FEM1C: variants seen among roughly 807,000 people sequenced by gnomAD.
FEM1C encodes fem-1 homolog C.
FEM1C carries 15 observed loss-of-function variants against 37.6 expected under a neutral mutation model. The ratio of observed to expected loss-of-function variants is 0.40; its 90% CI spans 0.27 to 0.61. The LOEUF is 0.61. Among genes scored for constraint, FEM1C ranks in the 20% least tolerant of loss-of-function variants. FEM1C has a pLI of 0.42. For synonymous variants in FEM1C, 287 were observed against 272.8 expected (o/e 1.05, Z -0.51); for missense variants, 532 against 749.7 (o/e 0.71, Z 3.39).
At position 115,542,061 on chromosome 5, in the gene FEM1C, G is replaced by A. The variant is rs1041086907; in HGVS notation, c.544+889C>T. Among the ~76,000 whole-genome samples the A allele has an allele frequency of 2.0e-5, 3 of 152,154 alleles. No homozygotes were observed. In the South Asian group the frequency reaches 6.2e-4, roughly 32 times the overall value. ...TAATGGCTTTTAAAAATTAGGTAGTGAATTATTTTGCTGTCGTATAAATAG... is the reference window on the plus strand; with the variant it reads ...TAATGGCTTTTAAAAATTAGGTAGTAAATTATTTTGCTGTCGTATAAATAG... On this transcript the variant is annotated intron_variant, in intron 2 of 2. Coordinates refer to ENST00000274457, the MANE Select transcript of FEM1C (RefSeq NM_020177.3).
In FEM1C at chr5:115,521,194, G is replaced by C. The variant is rs1332441962; in HGVS notation, c.*3114C>G. 6.6e-6 allele frequency: 1 copy of C among 151,596 alleles called. No individual in the cohort carries two copies. The highest frequency in any genetic ancestry group is 2.4e-5 in the African/African-American group (1 of 41,354). The allele number at this position is 151,596 out of a possible 1,614,324, so 9.4% of individuals were successfully genotyped here. On this transcript the variant is annotated 3_prime_UTR_variant, in exon 3 of 3. Coordinates refer to ENST00000274457, the MANE Select transcript of FEM1C (RefSeq NM_020177.3). Reference sequence around the variant, plus strand: ...TAGGCAATAATGCTGCTGTTACAGTGTAAAAGAGTATGTCATTATCTCATC... The same window carrying C: ...TAGGCAATAATGCTGCTGTTACAGTCTAAAAGAGTATGTCATTATCTCATC...
rs1476040994 is a variant in FEM1C, at chr5:115,521,200, G to C, written c.*3108C>G. The C allele has an allele frequency of 6.6e-6, 1 of 151,648 alleles. No individual in the cohort carries two copies. The highest frequency in any genetic ancestry group is 1.5e-5 in the Non-Finnish European group (1 of 67,716). The allele number at this position is 151,648 out of a possible 1,614,324, so 9.4% of individuals were successfully genotyped here. A position where few individuals can be genotyped will look rare whatever the true frequency, so the allele number is the denominator to read the frequency against. On this transcript the variant is annotated 3_prime_UTR_variant, in exon 3 of 3. Transcript: ENST00000274457. ...ATAATGCTGCTGTTACAGTGTAAAAGAGTATGTCATTATCTCATCCAGCCT... is the reference window on the plus strand; with the variant it reads ...ATAATGCTGCTGTTACAGTGTAAAACAGTATGTCATTATCTCATCCAGCCT...
rs1753792344 is a variant in FEM1C at position 115,522,288 on chromosome 5, A to AC, written c.*2019_*2020insG. 1 of 151,884 alleles carries AC rather than the reference A, an allele frequency of 6.6e-6. No homozygotes were observed. Among genetic ancestry groups the AC allele is most frequent in the African/African-American group, 2.4e-5 (1 of 41,334 alleles). 9.4% of individuals were successfully genotyped at this position (151,884 alleles called of 1,614,324 possible). A position where few individuals can be genotyped will look rare whatever the true frequency, so the allele number is the denominator to read the frequency against. On this transcript the variant is annotated 3_prime_UTR_variant, in exon 3 of 3. Transcript: ENST00000274457. ...TATATAATTCTTATACCACAAAGTT[A>AC]GAGGCAGATGATTTCAAGATACTGA...
intron 2 of FEM1C, among the ~76,000 whole-genome samples, chr5:115,531,698 C>T (rs1580380896): frequency 6.6e-6 from 1 of 152,100 alleles, no homozygotes; most frequent in Non-Finnish European, 1.5e-5. Flanking sequence ...CCCAACAAAA[C>T]TTTTACTTTT....
chr5:115,528,729 C>T (rs1753956749), intron 2 of FEM1C, among the ~76,000 whole-genome samples: 1 of 151,850 alleles, frequency 6.6e-6, no homozygotes, highest in Non-Finnish European at 1.5e-5. Context: ...AATGAGGAAC[C>T]ATAACACAAA....
chr5:115,525,033 G>C lies in FEM1C; in HGVS notation c.1129C>G (p.Pro377Ala), dbSNP rs776490208. The C allele has an allele frequency of 6.2e-7, 1 of 1,613,654 alleles. No individual in the cohort carries two copies. Among genetic ancestry groups the C allele is most frequent in the Non-Finnish European group, 8.5e-7 (1 of 1,179,818 alleles). ...GATAATAAGCTGCTGGCGGTCATTGGGCTTAAAGGATCCAAATTGCTCTGC... is the reference window on the plus strand; with the variant it reads ...GATAATAAGCTGCTGGCGGTCATTGCGCTTAAAGGATCCAAATTGCTCTGC... ...MQQSNLDPLS[P>A]MTASSLLSFA... The change falls in exon 3 of 3, where the codon CCA becomes GCA. Residue 377 changes from proline to alanine, a missense_variant. By Grantham distance (27) the Pro-to-Ala change is conservative. Transcript: ENST00000274457.
At position 115,531,278 on chromosome 5, in the gene FEM1C, A is replaced by G. The variant is rs1580380652; in HGVS notation, c.545-5661T>C. Among the ~76,000 whole-genome samples the G allele has an allele frequency of 2.0e-5, 3 of 152,106 alleles. No homozygotes were observed. In the South Asian group the frequency reaches 6.2e-4, roughly 31 times the overall value. ...CAATCACATCACTTTCCAACTCAAA[A>G]AACTTTCACAATTTCTCTAAGGAAA... On this transcript the variant is annotated intron_variant, in intron 2 of 2. Transcript: ENST00000274457.
At position 115,521,657 on chromosome 5, in the gene FEM1C, C is replaced by G. The variant is rs1394160701; in HGVS notation, c.*2651G>C. The G allele has an allele frequency of 6.6e-6, 1 of 151,742 alleles. No individual in the cohort carries two copies. The highest frequency in any genetic ancestry group is 1.5e-5 in the Non-Finnish European group (1 of 67,792). The allele number at this position is 151,742 out of a possible 1,614,324, so 9.4% of individuals were successfully genotyped here. A position where few individuals can be genotyped will look rare whatever the true frequency, so the allele number is the denominator to read the frequency against. On this transcript the variant is annotated 3_prime_UTR_variant, in exon 3 of 3. Transcript: ENST00000274457. ...TAATAACTTACACATTAACTCCAGT[C>G]AATAACACCGTGCTACAGTGTACAG...
rs924058562 is a variant in FEM1C at position 115,522,676 on chromosome 5, A to G, written c.*1632T>C. On this transcript the variant is annotated 3_prime_UTR_variant, in exon 3 of 3. Coordinates refer to ENST00000274457, the MANE Select transcript of FEM1C (RefSeq NM_020177.3). ...TAAATAGTGTAACATCAACCCTCAGAATAAAATGTCAACACAAAAATCCAA... is the reference window on the plus strand; with the variant it reads ...TAAATAGTGTAACATCAACCCTCAGGATAAAATGTCAACACAAAAATCCAA... 2.0e-5 allele frequency: 3 copies of G among 152,370 alleles called. No individual in the cohort carries two copies. Among genetic ancestry groups the G allele is most frequent in the African/African-American group, 7.2e-5 (3 of 41,432 alleles). The allele number at this position is 152,370 out of a possible 1,614,324, so 9.4% of individuals were successfully genotyped here.
intron 2 of FEM1C, among the ~76,000 whole-genome samples, chr5:115,527,503 A>C (rs1434618180): frequency 6.6e-6 from 1 of 152,170 alleles, no homozygotes; most frequent in Non-Finnish European, 1.5e-5. Flanking sequence ...AGAACTTCTG[A>C]CTATCGATGT....
chr5:115,542,024 A>G (rs946615466), intron 2 of FEM1C, among the ~76,000 whole-genome samples: 17 of 152,248 alleles, frequency 1.1e-4, no homozygotes, highest in African/African-American at 3.6e-4. Context: ...TCTATATGCT[A>G]CTTTTAAATT....
Position 115,537,155 on chromosome 5 carries a change from C to T in FEM1C, c.544+5795G>A, listed in dbSNP as rs76722274. ...AACTGACTTTTTCATCTGGGTCTCT[C>T]CCTATCTCTTCCACTTCTATCTTCC... On this transcript the variant is annotated intron_variant, in intron 2 of 2. Coordinates refer to ENST00000274457, the MANE Select transcript of FEM1C (RefSeq NM_020177.3). Among the ~76,000 whole-genome samples the T allele has an allele frequency of 4.4e-3, 664 of 152,128 alleles. 5 individuals carry two copies. Among genetic ancestry groups the T allele is most frequent in the African/African-American group, 0.015 (635 of 41,544 alleles).
intron 2 of FEM1C, among the ~76,000 whole-genome samples, chr5:115,527,936 G>A (rs1410432806): frequency 6.6e-6 from 1 of 150,504 alleles, no homozygotes; most frequent in African/African-American, 2.4e-5. Context: ...GGGAGGTGGA[G>A]GTTGCAGTAA....
chr5:115,543,536 C>A lies in FEM1C; in HGVS notation c.-43G>T, dbSNP rs1470823868. ...GCTGTGCTTTATTTATCTTTCAAAGCAGAGCTCCAGTTTAACTCTATCGAC... is the reference window on the plus strand; with the variant it reads ...GCTGTGCTTTATTTATCTTTCAAAGAAGAGCTCCAGTTTAACTCTATCGAC... On this transcript the variant is annotated 5_prime_UTR_variant, in exon 2 of 3. Transcript: ENST00000274457. 2 of 1,540,546 alleles carry A rather than the reference C, an allele frequency of 1.3e-6. No homozygotes were observed. Among genetic ancestry groups the A allele is most frequent in the African/African-American group, 2.8e-5 (2 of 72,586 alleles).
chr5:115,530,122 A>G (rs1264739365), intron 2 of FEM1C, among the ~76,000 whole-genome samples: 1 of 152,096 alleles, frequency 6.6e-6, no homozygotes, highest in Admixed American at 6.6e-5. Flanking sequence ...TGAAGATACA[A>G]AGAAAACTCA....
intron 2 of FEM1C, among the ~76,000 whole-genome samples, chr5:115,536,069 G>A (rs1343693689): frequency 6.6e-6 from 1 of 151,898 alleles, no homozygotes; most frequent in Non-Finnish European, 1.5e-5. Flanking sequence ...AGTTTCAGGG[G>A]AATGAGGAGG....
intron 2 of FEM1C, among the ~76,000 whole-genome samples, chr5:115,537,880 C>A (rs759007567): frequency 2.7e-4 from 41 of 151,990 alleles, no homozygotes; most frequent in Non-Finnish European, 4.7e-4. Context: ...AGAATGACAT[C>A]AATCATTATC....
intron 2 of FEM1C, among the ~76,000 whole-genome samples, chr5:115,532,979 A>G (rs143411451): frequency 6.6e-6 from 1 of 152,180 alleles, no homozygotes; most frequent in African/African-American, 2.4e-5. Context: ...AATGCGTAGT[A>G]TATGTTTGTC....
rs528237132 is a variant in FEM1C at position 115,541,468 on chromosome 5, G to A, written c.544+1482C>T. ...TAACTATATAGTGCCCCATAATTGT[G>A]TGGTTTAACCTTTCTGAAAGGCAGA... On this transcript the variant is annotated intron_variant, in intron 2 of 2. Transcript: ENST00000274457. Among the ~76,000 whole-genome samples the A allele has an allele frequency of 2.0e-5, 3 of 152,200 alleles. No individual in the cohort carries two copies. The South Asian group carries it at 6.2e-4, about 32-fold the overall frequency.
Sources: allele counts gnomAD v4.1 joint callset (sites outside exome capture counted in the v4.1 genomes callset), GRCh38; gene constraint gnomAD v4.1.1; transcripts MANE v1.5; gene names NCBI Gene and HGNC (gene_info 2026-07-23, HGNC 2026-07-21).